Variants in GLIS1 observed in about 807,000 individuals in gnomAD.
The protein encoded by GLIS1 is GLIS family zinc finger 1, also known as zinc finger protein GLIS1.
Under a neutral mutation model 63.8 loss-of-function variants are expected in GLIS1, and 24 were observed. That is an observed-to-expected ratio of 0.38 (90% CI 0.27 to 0.53). The LOEUF is 0.53. Among genes scored for constraint, GLIS1 ranks in the 20% least tolerant of loss-of-function variants. The pLI is 0.85. For synonymous variants in GLIS1, 450 were observed against 482.5 expected (o/e 0.93, Z 0.88); for missense variants, 1,036 against 1,074.1 (o/e 0.96, Z 0.50).
chr1:53,633,823 G>C (rs1384040260), intron 2 of GLIS1, among the ~76,000 whole-genome samples: 1 of 152,150 alleles, frequency 6.6e-6, no homozygotes, highest in Non-Finnish European at 1.5e-5. Context: ...GATAGGGGGA[G>C]AAATTGCCCC....
At chr1:53,571,607 C>T (rs560787755) in intron 4 of GLIS1, among the ~76,000 whole-genome samples, 1 of 152,000 alleles carries the variant, frequency 6.6e-6, no homozygotes, top group African/African-American at 2.4e-5. Context: ...GACAGAGTCT[C>T]ACTCTGTCAC....
chr1:53,685,670 G>A (rs906650786), intron 2 of GLIS1, among the ~76,000 whole-genome samples: 10 of 152,138 alleles, frequency 6.6e-5, no homozygotes, highest in Non-Finnish European at 1.3e-4. Context: ...CCTTGCCTGT[G>A]ACTGTCTCCC....
At chr1:53,653,527 G>A (rs1645931440) in intron 2 of GLIS1, among the ~76,000 whole-genome samples, 1 of 152,094 alleles carries the variant, frequency 6.6e-6, no homozygotes, top group Admixed American at 6.5e-5. Flanking sequence ...ACGTTCTCTA[G>A]CTCATTCTGT....
intron 2 of GLIS1, among the ~76,000 whole-genome samples, chr1:53,735,078 T>A (rs1646900250): frequency 6.6e-6 from 1 of 152,172 alleles, no homozygotes; most frequent in African/African-American, 2.4e-5. Flanking sequence ...TTCCTCTGCT[T>A]AGGGACTGTC....
intron 2 of GLIS1, among the ~76,000 whole-genome samples, chr1:53,716,131 G>A (rs1479832685): frequency 1.3e-5 from 2 of 152,140 alleles, no homozygotes; most frequent in Non-Finnish European, 2.9e-5. Context: ...AGGAGGGGAG[G>A]CAAGGCTTGG....
intron 2 of GLIS1, among the ~76,000 whole-genome samples, chr1:53,626,257 A>G (rs1435181902): frequency 6.6e-6 from 1 of 152,126 alleles, no homozygotes; most frequent in Non-Finnish European, 1.5e-5. Context: ...GAGTCACATA[A>G]ATAAACAGCA....
chr1:53,710,938 G>A (rs1156934897), intron 2 of GLIS1, among the ~76,000 whole-genome samples: 1 of 151,488 alleles, frequency 6.6e-6, no homozygotes, highest in African/African-American at 2.4e-5. Context: ...GAGCTGGAGG[G>A]GCTGACCAGC....
At chr1:53,674,279 G>C (rs531092697) in intron 2 of GLIS1, among the ~76,000 whole-genome samples, 23 of 152,182 alleles carry the variant, frequency 1.5e-4, no homozygotes, top group African/African-American at 4.8e-4. Context: ...CCAACGTGTG[G>C]TCCACAGTCC....
chr1:53,567,943 G>A (rs1644950349), intron 4 of GLIS1, among the ~76,000 whole-genome samples: 1 of 152,234 alleles, frequency 6.6e-6, no homozygotes, highest in African/African-American at 2.4e-5. Flanking sequence ...TATTAAGGCA[G>A]TGAAAAGGGG....
Position 53,537,460 on chromosome 1 carries a change from C to T in GLIS1, c.1321-7508G>A, listed in dbSNP as rs150124246. On this transcript the variant is annotated intron_variant, in intron 4 of 10. Coordinates refer to ENST00000628545, the MANE Select transcript of GLIS1 (RefSeq NM_001367484.1). ...TGACACCATGCCGCAAACCAAAGTG[C>T]TGCAAATCAAGTCACGCAAACAGAG... Among the ~76,000 whole-genome samples the T allele has an allele frequency of 9.0e-4, 137 of 152,356 alleles. 3 individuals carry two copies. In the East Asian group the frequency reaches 0.023, roughly 26 times the overall value.
At chr1:53,665,913 G>A (rs7529754) in intron 2 of GLIS1, among the ~76,000 whole-genome samples, 7,576 of 152,250 alleles carry the variant, frequency 0.05, 468 homozygotes, top group East Asian at 0.33. Flanking sequence ...GTGGCATGAT[G>A]GGATGAGAGC....
chr1:53,506,674 T>C lies in GLIS1; in HGVS notation c.2333A>G (p.Asn778Ser), dbSNP rs140348879. 1.7e-4 allele frequency: 271 copies of C among 1,613,362 alleles called. 2 individuals carry two copies. The East Asian group carries it at 3.8e-3, about 23-fold the overall frequency. Reference protein sequence around the residue: ...SGPEDCGFFPNGAFDHCLGHI... With the variant: ...SGPEDCGFFPSGAFDHCLGHI... ...GCCCAGGCAGTGGTCAAAGGCTCCATTGGGGAAGAAGCCACAGTCCTCGGG... is the reference window on the plus strand; with the variant it reads ...GCCCAGGCAGTGGTCAAAGGCTCCACTGGGGAAGAAGCCACAGTCCTCGGG... The change falls in exon 11 of 11, where the codon AAT becomes AGT. Residue 778 changes from asparagine to serine, a missense_variant. Asn to Ser is a conservative substitution (Grantham distance 46). Around this residue, in one of 3 missense-constraint regions of GLIS1, gnomAD observed 400 missense variants for 400.9 expected, o/e 1.00. Transcript: ENST00000628545.
At chr1:53,553,655 G>C (rs1481132134) in intron 4 of GLIS1, among the ~76,000 whole-genome samples, 1 of 152,220 alleles carries the variant, frequency 6.6e-6, no homozygotes, top group Non-Finnish European at 1.5e-5. Context: ...GTGGGGAGGG[G>C]CCTTTGCGAC....
rs183328786 is a variant in GLIS1, at chr1:53,509,241, G to A, written c.2109C>T (p.Gly703=). 191 of 1,595,260 alleles carry A rather than the reference G, an allele frequency of 1.2e-4. 2 individuals carry two copies. The East Asian group carries it at 3.6e-3, about 30-fold the overall frequency. ...CTGGTTCAGCCATCCGGTAGCAGTC[G>A]CCATAGGGGAAGCAACTCTGGATGG... ...FHSIQSCFPY[G]DCYRMAEPAA... The change falls in exon 10 of 11, where the codon GGC becomes GGT. Residue 703 remains glycine, a synonymous_variant. Coordinates refer to ENST00000628545, the MANE Select transcript of GLIS1 (RefSeq NM_001367484.1).
chr1:53,621,881 G>A (rs867484667), intron 2 of GLIS1, among the ~76,000 whole-genome samples: 7 of 151,998 alleles, frequency 4.6e-5, no homozygotes, highest in Middle Eastern at 3.4e-3. Flanking sequence ...TGCAATCTCC[G>A]CTCACTGCAA....
Position 53,739,148 on chromosome 1 carries a change from G to A in GLIS1, c.-86C>T, listed in dbSNP as rs1393545219. Among the ~76,000 whole-genome samples the A allele has an allele frequency of 1.4e-5, 2 of 142,120 alleles. No homozygotes were observed. The highest frequency in any genetic ancestry group is 2.3e-4 in the South Asian group (1 of 4,280). The allele number at this position is 142,120 out of a possible 152,430, so 93.2% of individuals were successfully genotyped here. On this transcript the variant is annotated 5_prime_UTR_variant, in exon 1 of 11. Coordinates refer to ENST00000628545, the MANE Select transcript of GLIS1 (RefSeq NM_001367484.1). The stretch of plus-strand genomic sequence containing the variant: ...GATCGCTGGGCGCCCGGCTCGGCGC[G>A]CCTCCACTGGCGCAGCAGCCCCCGC...
At chr1:53,691,902 A>G (rs1307088442) in intron 2 of GLIS1, among the ~76,000 whole-genome samples, 1 of 152,118 alleles carries the variant, frequency 6.6e-6, no homozygotes, top group Non-Finnish European at 1.5e-5. Context: ...GAAAGCATAG[A>G]GAGATGTATA....
intron 2 of GLIS1, among the ~76,000 whole-genome samples, chr1:53,692,878 C>A (rs1203085133): frequency 6.6e-6 from 1 of 152,236 alleles, no homozygotes; most frequent in Non-Finnish European, 1.5e-5. Context: ...ACCCCAAAGT[C>A]TTTGAGAAAC....
At chr1:53,692,496 C>T (rs1453231156) in intron 2 of GLIS1, among the ~76,000 whole-genome samples, 1 of 152,228 alleles carries the variant, frequency 6.6e-6, no homozygotes, top group Non-Finnish European at 1.5e-5. Flanking sequence ...TAATGTGTTA[C>T]CCTACAGGGT....
Sources: gnomAD v4.1 joint callset for allele counts (sites outside exome capture counted in the v4.1 genomes callset) on GRCh38, gnomAD v4.1.1 for gene constraint, gnomAD v4.1.1 regional missense constraint, MANE v1.5 for transcripts, NCBI Gene and HGNC (gene_info 2026-07-23, HGNC 2026-07-21) for gene names.